The following ZRANB3 variants were observed in gnomAD, a reference collection of about 807,000 sequenced individuals.
ZRANB3 encodes the protein DNA annealing helicase and endonuclease ZRANB3.
A neutral mutation model predicts 133.8 loss-of-function variants in ZRANB3; 125 were observed. The observed-to-expected ratio is 0.93, with a 90% confidence interval of 0.81 to 1.08. The LOEUF (loss-of-function observed/expected upper bound fraction) is 1.08. Among genes scored for constraint, ZRANB3 ranks in the 50% least tolerant of loss-of-function variants. The pLI is 0.00. For synonymous variants in ZRANB3, 387 were observed against 432.7 expected (o/e 0.89, Z 1.31); for missense variants, 1,229 against 1,275.5 (o/e 0.96, Z 0.56).
At chr2:135,271,341 TA>T (rs749555555) in intron 10 of ZRANB3, 25 of 471,524 alleles carry the variant, frequency 5.3e-5, no homozygotes, top group African/African-American at 5.0e-4. Flanking sequence ...AAGCACTCCA[TA>T]AAAAGTCCTG....
chr2:135,455,403 G>A (rs1690465905), intron 2 of ZRANB3, among the ~76,000 whole-genome samples: 1 of 151,244 alleles, frequency 6.6e-6, no homozygotes, highest in Admixed American at 6.6e-5. Context: ...GGCCAGGATG[G>A]TTTTGAATCC....
chr2:135,296,693 C>A lies in ZRANB3; in HGVS notation c.966+16796G>T, dbSNP rs185356551. 2.9e-3 allele frequency among the ~76,000 whole-genome samples: 434 copies of A among 152,126 alleles called. 7 individuals are homozygous for A. Among genetic ancestry groups the A allele is most frequent in the Non-Finnish European group, 4.1e-4 (28 of 68,008 alleles). ...GTTTCTGGTTTTTCTGCTGTTTTTCCCCATTTTTGTGGTTTTATCTACCTT... is the reference window on the plus strand; with the variant it reads ...GTTTCTGGTTTTTCTGCTGTTTTTCACCATTTTTGTGGTTTTATCTACCTT... On this transcript the variant is annotated intron_variant, in intron 8 of 20. Transcript: ENST00000264159.
chr2:135,262,159 CAAAAAAAAA>C (rs755264566), intron 12 of ZRANB3, among the ~76,000 whole-genome samples: 1 of 63,968 alleles, frequency 1.6e-5, no homozygotes, highest in Non-Finnish European at 3.5e-5. Context: ...ACTCCATCTC[CAAAAAAAAA>C]AAAAAAAAAA....
At chr2:135,473,889 T>C (rs10496735) in intron 2 of ZRANB3, among the ~76,000 whole-genome samples, 10,349 of 152,134 alleles carry the variant, frequency 0.068, 728 homozygotes, top group African/African-American at 0.18. Context: ...GACACACTTA[T>C]AAAAACTAAT....
chr2:135,209,073 A>G (rs1573673320), intron 17 of ZRANB3, 95 bp from the exon 18 acceptor site: 2 of 1,179,990 alleles, frequency 1.7e-6, no homozygotes, highest in East Asian at 2.4e-5. Context: ...CAATAGAAGA[A>G]AAAGCAAGCA....
chr2:135,510,893 T>A, intron 1 of ZRANB3: 1 of 1,224,270 alleles, frequency 8.2e-7, no homozygotes, highest in Middle Eastern at 1.9e-4. Flanking sequence ...ATTTGTCCAC[T>A]TCATGAGGCA....
chr2:135,493,653 A>G (rs987218622), intron 2 of ZRANB3, among the ~76,000 whole-genome samples: 4 of 152,198 alleles, frequency 2.6e-5, no homozygotes, highest in Non-Finnish European at 5.9e-5. Context: ...TAAAATAAAA[A>G]AGGCTAACAA....
At chr2:135,527,216 C>T (rs1317854992) in intron 1 of ZRANB3, among the ~76,000 whole-genome samples, 1 of 152,124 alleles carries the variant, frequency 6.6e-6, no homozygotes, top group African/African-American at 2.4e-5. Context: ...TCATCTGGCA[C>T]CCACACATGG....
chr2:135,377,859 C>G (rs900531717), intron 3 of ZRANB3, among the ~76,000 whole-genome samples: 1 of 152,166 alleles, frequency 6.6e-6, no homozygotes, highest in Admixed American at 6.5e-5. Flanking sequence ...AGTTAGCAGG[C>G]TGACAAAGGC....
At chr2:135,474,588 C>A (rs79421697) in intron 2 of ZRANB3, among the ~76,000 whole-genome samples, 1 of 152,134 alleles carries the variant, frequency 6.6e-6, no homozygotes, top group African/African-American at 2.4e-5. Context: ...CCTAACCTTC[C>A]ACCATGAGTA....
intron 6 of ZRANB3, among the ~76,000 whole-genome samples, chr2:135,341,702 C>T (rs1199912478): frequency 6.7e-6 from 1 of 149,886 alleles, no homozygotes; most frequent in African/African-American, 2.5e-5. Context: ...TAATAATTAA[C>T]AGCCCTGGGA....
intron 12 of ZRANB3, among the ~76,000 whole-genome samples, chr2:135,239,534 T>C (rs543583992): frequency 3.7e-4 from 57 of 152,164 alleles, no homozygotes; most frequent in Non-Finnish European, 2.8e-4. Flanking sequence ...CTACTCCCAA[T>C]AATGTAGAAC....
At position 135,504,324 on chromosome 2, in the gene ZRANB3, T is replaced by C; in HGVS notation, c.161+5A>G. 6.2e-7 allele frequency: 1 copy of C among 1,613,258 alleles called. No homozygotes were observed. Among genetic ancestry groups the C allele is most frequent in the Non-Finnish European group, 8.5e-7 (1 of 1,179,590 alleles). On this transcript the variant is annotated splice_donor_5th_base_variant and intron_variant, in intron 2 of 20. Transcript: ENST00000264159. ...CATTTTTAGCATGTCTTCAAAGAAC[T>C]TTACCTGCCATTTCTTTTGAGGGCA...
chr2:135,443,468 C>A (rs918568796), intron 2 of ZRANB3, among the ~76,000 whole-genome samples: 1 of 151,586 alleles, frequency 6.6e-6, no homozygotes, highest in African/African-American at 2.4e-5. Context: ...AACAACATGG[C>A]ACATATATAC....
chr2:135,212,930 C>T (rs1694160474), intron 17 of ZRANB3, among the ~76,000 whole-genome samples: 1 of 152,160 alleles, frequency 6.6e-6, no homozygotes, highest in African/African-American at 2.4e-5. Context: ...ATAAATGGGA[C>T]TCAGTAACCA....
At chr2:135,351,241 C>T (rs2104874341) in intron 4 of ZRANB3, among the ~76,000 whole-genome samples, 1 of 149,964 alleles carries the variant, frequency 6.7e-6, no homozygotes, top group East Asian at 2.0e-4. Context: ...GATTAATCTA[C>T]TTAATACAGA....
At chr2:135,431,375 T>C (rs1449083990) in intron 2 of ZRANB3, among the ~76,000 whole-genome samples, 1 of 151,036 alleles carries the variant, frequency 6.6e-6, no homozygotes, top group Non-Finnish European at 1.5e-5. Flanking sequence ...CATTATTATA[T>C]ATAATTTATG....
At position 135,230,598 on chromosome 2, in the gene ZRANB3, CTCTA is replaced by C. The variant is rs1298939908; in HGVS notation, c.1865_1868del (p.Val622GlyfsTer33). 6.2e-7 allele frequency: 1 copy of C among 1,608,650 alleles called. No individual in the cohort carries two copies. The highest frequency in any genetic ancestry group is 8.5e-7 in the Non-Finnish European group (1 of 1,178,512). ...AGGTGCAGAGACTACATTGCCAGCCCTCTACAGGAAAGGCTGGGGTGGTTAACTG... is the reference window on the plus strand; with the variant it reads ...AGGTGCAGAGACTACATTGCCAGCCCCAGGAAAGGCTGGGGTGGTTAACTG... On this transcript the variant is annotated frameshift_variant, in exon 13 of 21. Transcript: ENST00000264159. LOFTEE classifies it high-confidence loss of function.
intron 2 of ZRANB3, among the ~76,000 whole-genome samples, chr2:135,499,294 T>G (rs1692830347): frequency 6.6e-6 from 1 of 152,162 alleles, no homozygotes; most frequent in Admixed American, 6.6e-5. Flanking sequence ...TTTTTAAAAT[T>G]TGATGAAAGA....
Sources: gnomAD v4.1 joint callset for allele counts (sites outside exome capture counted in the v4.1 genomes callset) on GRCh38, gnomAD v4.1.1 for gene constraint, MANE v1.5 for transcripts, NCBI Gene and HGNC (gene_info 2026-07-23, HGNC 2026-07-21) for gene names.